The following CACNA2D1 variants were observed in gnomAD, a reference collection of about 807,000 sequenced individuals.
The protein encoded by CACNA2D1 is calcium voltage-gated channel auxiliary subunit alpha2delta 1.
A neutral mutation model predicts 171.5 loss-of-function variants in CACNA2D1; 53 were observed. That is an observed-to-expected ratio of 0.31 (90% confidence interval 0.25 to 0.39). CACNA2D1 has a LOEUF of 0.39. Among genes scored for constraint, CACNA2D1 ranks in the 10% least tolerant of loss-of-function variants. The pLI is 1.00. For missense variants in CACNA2D1, 903 were observed against 1,299.8 expected (o/e 0.69, Z 4.69); for synonymous variants, 442 against 443.1 (o/e 1.00, Z 0.03).
chr7:82,099,930 T>C (rs546905079), intron 6 of CACNA2D1, among the ~76,000 whole-genome samples: 2 of 152,100 alleles, frequency 1.3e-5, no homozygotes, highest in Admixed American at 6.6e-5. Flanking sequence ...CACTGAGGCC[T>C]GTCAGGGGGT....
intron 3 of CACNA2D1, among the ~76,000 whole-genome samples, chr7:82,300,411 T>C (rs1812851564): frequency 6.6e-6 from 1 of 152,134 alleles, no homozygotes; most frequent in Non-Finnish European, 1.5e-5. Flanking sequence ...AATGAAAATT[T>C]GAAAAGCTCT....
chr7:82,303,661 A>C (rs1263094897), intron 3 of CACNA2D1, among the ~76,000 whole-genome samples: 1 of 152,168 alleles, frequency 6.6e-6, no homozygotes, highest in Non-Finnish European at 1.5e-5. Context: ...GATTTTTTAC[A>C]AAAGCGCTAA....
chr7:82,189,956 G>A (rs1054078690), intron 3 of CACNA2D1, among the ~76,000 whole-genome samples: 1 of 151,818 alleles, frequency 6.6e-6, no homozygotes, highest in Non-Finnish European at 1.5e-5. Context: ...AGCCACAAAC[G>A]TTATTATGCT....
At chr7:82,171,051 TA>T (rs1795968394) in intron 3 of CACNA2D1, among the ~76,000 whole-genome samples, 2 of 152,176 alleles carry the variant, frequency 1.3e-5, no homozygotes, top group South Asian at 4.1e-4. Context: ...CTTAAATGCA[TA>T]TTGAGTTTTT....
In CACNA2D1 at chr7:82,356,740, G is replaced by T. The variant is rs538066724; in HGVS notation, c.96-7091C>A. The stretch of plus-strand genomic sequence containing the variant: ...CCACATCAGAAAAAAAAAATGAACT[G>T]CTGGACCCATGCATCTGTAAATAGC... On this transcript the variant is annotated intron_variant, in intron 1 of 38. Coordinates refer to ENST00000356860, the MANE Select transcript of CACNA2D1 (RefSeq NM_000722.4). Among the ~76,000 whole-genome samples, 525 of 151,902 alleles carry T rather than the reference G, an allele frequency of 3.5e-3. 2 individuals are homozygous for T. The highest frequency in any genetic ancestry group is 6.1e-3 in the Non-Finnish European group (417 of 67,954).
intron 4 of CACNA2D1, among the ~76,000 whole-genome samples, chr7:82,139,361 T>C (rs1792085546): frequency 6.6e-6 from 1 of 152,240 alleles, no homozygotes. Context: ...CTAAGTATTT[T>C]GATCCTGTTA....
At chr7:82,277,174 A>T (rs1268280222) in intron 3 of CACNA2D1, among the ~76,000 whole-genome samples, 1 of 152,062 alleles carries the variant, frequency 6.6e-6, no homozygotes, top group Non-Finnish European at 1.5e-5. Flanking sequence ...GTGTCAGTCT[A>T]ACTCTTATTT....
intron 4 of CACNA2D1, among the ~76,000 whole-genome samples, chr7:82,160,187 A>G (rs530785193): frequency 6.6e-6 from 1 of 152,050 alleles, no homozygotes; most frequent in South Asian, 2.1e-4. Context: ...CAATGTCCCA[A>G]AATTTTGAGG....
chr7:82,186,130 T>C (rs1489915605), intron 3 of CACNA2D1, among the ~76,000 whole-genome samples: 1 of 144,290 alleles, frequency 6.9e-6, no homozygotes, highest in Non-Finnish European at 1.5e-5. Context: ...CACTCCACCC[T>C]AGGTGACAAG....
intron 3 of CACNA2D1, among the ~76,000 whole-genome samples, chr7:82,260,998 AGG>A (rs1325068167): frequency 1.3e-5 from 2 of 150,962 alleles, no homozygotes; most frequent in African/African-American, 2.4e-5. Context: ...TCTATTGCCC[AGG>A]GTGGAGTGCA....
intron 3 of CACNA2D1, among the ~76,000 whole-genome samples, chr7:82,177,938 C>T (rs1236727658): frequency 6.6e-6 from 1 of 152,082 alleles, no homozygotes; most frequent in Non-Finnish European, 1.5e-5. Flanking sequence ...TTATAATGTA[C>T]AAGGTATAAT....
intron 20 of CACNA2D1, among the ~76,000 whole-genome samples, chr7:81,994,116 T>A (rs984056901): frequency 6.6e-6 from 1 of 152,022 alleles, no homozygotes; most frequent in Non-Finnish European, 1.5e-5. Flanking sequence ...AATGATGAGA[T>A]TGTGAGGAAA....
intron 3 of CACNA2D1, among the ~76,000 whole-genome samples, chr7:82,173,278 A>G (rs956591477): frequency 6.6e-6 from 1 of 152,094 alleles, no homozygotes; most frequent in Non-Finnish European, 1.5e-5. Context: ...ATTTATATGT[A>G]TTTTGAACAC....
intron 3 of CACNA2D1, among the ~76,000 whole-genome samples, chr7:82,240,584 C>A (rs936758709): frequency 1.3e-5 from 2 of 152,110 alleles, no homozygotes; most frequent in South Asian, 2.1e-4. Context: ...CAAACCGTAT[C>A]TTTTATATTG....
At chr7:82,313,750 T>C (rs1179836854) in intron 3 of CACNA2D1, among the ~76,000 whole-genome samples, 1 of 152,184 alleles carries the variant, frequency 6.6e-6, no homozygotes, top group Non-Finnish European at 1.5e-5. Context: ...GTTTTCAGCA[T>C]ACCTTTAGAG....
chr7:82,033,074 G>A, intron 11 of CACNA2D1, 173 bp from the exon 12 acceptor site: 1 of 527,988 alleles, frequency 1.9e-6, no homozygotes, highest in East Asian at 3.1e-5. Flanking sequence ...CCCTTCACCA[G>A]GCCTTCCCCT....
intron 3 of CACNA2D1, among the ~76,000 whole-genome samples, chr7:82,324,116 G>A (rs755959276): frequency 6.6e-6 from 1 of 152,106 alleles, no homozygotes; most frequent in Non-Finnish European, 1.5e-5. Flanking sequence ...CCGCACTTTG[G>A]GAGGCTGAGG....
At chr7:82,261,427 G>A (rs769584971) in intron 3 of CACNA2D1, among the ~76,000 whole-genome samples, 6 of 152,182 alleles carry the variant, frequency 3.9e-5, no homozygotes, top group Non-Finnish European at 8.8e-5. Flanking sequence ...AATCTAACAT[G>A]TAGCCCTTTG....
chr7:82,307,760 T>C (rs1813919645), intron 3 of CACNA2D1, among the ~76,000 whole-genome samples: 1 of 152,142 alleles, frequency 6.6e-6, no homozygotes, highest in African/African-American at 2.4e-5. Context: ...CATCCTTGCT[T>C]AGTCATTAAA....
Sources: allele counts gnomAD v4.1 joint callset (sites outside exome capture counted in the v4.1 genomes callset), GRCh38; gene constraint gnomAD v4.1.1; transcripts MANE v1.5; gene names NCBI Gene and HGNC (gene_info 2026-07-23, HGNC 2026-07-21).